The following AUTS2 variants were observed in gnomAD, a reference collection of about 807,000 sequenced individuals.
AUTS2 encodes autism susceptibility gene 2 protein.
A neutral mutation model predicts 112.4 loss-of-function variants in AUTS2; 17 were observed. The observed-to-expected ratio is 0.15, with a 90% CI of 0.10 to 0.23. The LOEUF (loss-of-function observed/expected upper bound fraction) is 0.23. Ranked by LOEUF, AUTS2 falls within the 10% of genes least tolerant of loss-of-function variation. The pLI, the probability that AUTS2 is intolerant of heterozygous loss-of-function variation, is 1.00. For missense variants in AUTS2, 1,510 were observed against 1,701.6 expected, an observed-to-expected ratio of 0.89 and a Z score of 1.98; for synonymous variants, 751 against 702.7, an observed-to-expected ratio of 1.07 and a Z score of -1.09.
At chr7:69,608,037 G>T (rs1329711738) in intron 1 of AUTS2, among the ~76,000 whole-genome samples, 1 of 152,098 alleles carries the variant, frequency 6.6e-6, no homozygotes, top group East Asian at 1.9e-4. Context: ...CTGGGCTCAG[G>T]TGATCTTCCC....
At chr7:70,486,908 C>CCA (rs1554410189) in intron 5 of AUTS2, among the ~76,000 whole-genome samples, 10,191 of 118,666 alleles carry the variant, frequency 0.086, 609 homozygotes, top group Middle Eastern at 0.12. Context: ...CCCCCCCCCC[C>CCA]AAAAAAAAAG....
intron 1 of AUTS2, among the ~76,000 whole-genome samples, chr7:69,893,557 T>A (rs1562954351): frequency 1.3e-5 from 2 of 152,188 alleles, no homozygotes; most frequent in African/African-American, 4.8e-5. Context: ...CTTTAAGGTC[T>A]CTAAGATCAG....
At chr7:70,170,854 C>T (rs1289537396) in intron 4 of AUTS2, among the ~76,000 whole-genome samples, 3 of 152,182 alleles carry the variant, frequency 2.0e-5, no homozygotes, top group Non-Finnish European at 4.4e-5. Context: ...GATCCACCTT[C>T]CTCGGCCTCC....
intron 6 of AUTS2, among the ~76,000 whole-genome samples, chr7:70,752,780 A>G (rs1881011): frequency 0.062 from 9,477 of 152,166 alleles, 347 homozygotes; most frequent in Middle Eastern, 0.15. Context: ...ATAGATCACA[A>G]CCTATTTCTC....
intron 2 of AUTS2, among the ~76,000 whole-genome samples, chr7:70,052,173 A>T (rs1365443783): frequency 6.6e-6 from 1 of 152,222 alleles, no homozygotes; most frequent in East Asian, 1.9e-4. Flanking sequence ...GAGTTCTGTT[A>T]TAAAGCTCCT....
chr7:69,659,343 C>A (rs529375742), intron 1 of AUTS2, among the ~76,000 whole-genome samples: 1 of 151,744 alleles, frequency 6.6e-6, no homozygotes, highest in African/African-American at 2.4e-5. Context: ...AAATTTTGTC[C>A]GTATATTCAT....
At chr7:69,784,946 G>C (rs1210809628) in intron 1 of AUTS2, among the ~76,000 whole-genome samples, 1 of 152,022 alleles carries the variant, frequency 6.6e-6, no homozygotes, top group Non-Finnish European at 1.5e-5. Context: ...TTGCTGTCGT[G>C]AACCTTATAC....
chr7:69,732,803 A>T (rs980972661), intron 1 of AUTS2, among the ~76,000 whole-genome samples: 11 of 152,246 alleles, frequency 7.2e-5, no homozygotes, highest in Admixed American at 6.5e-4. Context: ...ACTATCTTTG[A>T]ATAGTCAAAG....
chr7:70,726,803 G>A (rs1236229936), intron 6 of AUTS2, among the ~76,000 whole-genome samples: 2 of 152,198 alleles, frequency 1.3e-5, no homozygotes, highest in Non-Finnish European at 2.9e-5. Context: ...CCTGTATTGA[G>A]AGTGGATCTG....
chr7:69,641,675 A>G (rs1233246087), intron 1 of AUTS2, among the ~76,000 whole-genome samples: 1 of 152,252 alleles, frequency 6.6e-6, no homozygotes, highest in African/African-American at 2.4e-5. Flanking sequence ...ATGCTTAAAT[A>G]TGATTTACAT....
intron 5 of AUTS2, among the ~76,000 whole-genome samples, chr7:70,672,467 G>A (rs1158252811): frequency 6.6e-6 from 1 of 152,180 alleles, no homozygotes; most frequent in Non-Finnish European, 1.5e-5. Flanking sequence ...TTAATTAGGA[G>A]GTCCTCGGCC....
chr7:70,185,142 A>C (rs765017867), intron 4 of AUTS2, among the ~76,000 whole-genome samples: 4 of 151,916 alleles, frequency 2.6e-5, no homozygotes, highest in Non-Finnish European at 5.9e-5. Flanking sequence ...TATTCACTAG[A>C]GCACTGTGGG....
At chr7:70,442,770 G>A (rs747390132) in intron 5 of AUTS2, among the ~76,000 whole-genome samples, 1 of 152,198 alleles carries the variant, frequency 6.6e-6, no homozygotes, top group African/African-American at 2.4e-5. Context: ...TGACAGTCAT[G>A]AGCCACCGCA....
chr7:70,314,336 G>A (rs965798666), intron 4 of AUTS2, among the ~76,000 whole-genome samples: 1 of 152,216 alleles, frequency 6.6e-6, no homozygotes, highest in African/African-American at 2.4e-5. Context: ...CTGGAGAGGA[G>A]TAATATCCAC....
chr7:70,325,348 G>GA lies in AUTS2; in HGVS notation c.661-110397dup, dbSNP rs1790439136. Reference sequence around the variant, plus strand: ...CTCAAACAAATATAAAAATAAAACTGAAAAAAAGAAATTACTTAAAATATT... The same window carrying GA: ...CTCAAACAAATATAAAAATAAAACTGAAAAAAAAGAAATTACTTAAAATATT... On this transcript the variant is annotated intron_variant, in intron 4 of 18. Coordinates refer to ENST00000342771, the MANE Select transcript of AUTS2 (RefSeq NM_015570.4). Among the ~76,000 whole-genome samples, 3 of 151,892 alleles carry GA rather than the reference G, an allele frequency of 2.0e-5. No individual in the cohort carries two copies. The South Asian group carries it at 6.3e-4, about 32-fold the overall frequency.
At chr7:70,079,708 G>A (rs891164403) in intron 2 of AUTS2, among the ~76,000 whole-genome samples, 7 of 151,956 alleles carry the variant, frequency 4.6e-5, no homozygotes, top group Admixed American at 4.6e-4. Flanking sequence ...TGTATTCAAT[G>A]ACATCACTTT....
At chr7:70,104,867 T>C (rs558069419) in intron 2 of AUTS2, among the ~76,000 whole-genome samples, 1 of 152,324 alleles carries the variant, frequency 6.6e-6, no homozygotes, top group Admixed American at 6.5e-5. Context: ...TGAGTTGACT[T>C]TTTTTATTCC....
intron 4 of AUTS2, among the ~76,000 whole-genome samples, chr7:70,252,338 C>A (rs1213738981): frequency 1.3e-5 from 2 of 152,108 alleles, no homozygotes; most frequent in African/African-American, 4.8e-5. Flanking sequence ...ACTTTAATTT[C>A]CCTGTTGATC....
Position 70,766,298 on chromosome 7 carries a change from A to T in AUTS2, c.1653A>T (p.Pro551=), listed in dbSNP as rs1238282758. Residue 551 remains proline (P), a synonymous_variant, in exon 9 of 19, where the codon CCA becomes CCT. Coordinates refer to ENST00000342771, the MANE Select transcript of AUTS2 (RefSeq NM_015570.4). This position sits in a 1 kb window ranked among gnomAD's most constrained non-coding sequence, Gnocchi z 4.8. The part of the protein sequence containing the change: ...HTFTPFPHAI[P]PTAIMPTPAP... ...TCACGCCGTTCCCCCACGCCATCCC[A>T]CCCACCGCCATCATGCCGACGCCAG... 5.6e-6 allele frequency: 9 copies of T among 1,613,556 alleles called. No individual in the cohort carries two copies. In the Admixed American group the frequency reaches 8.3e-5, roughly 15 times the overall value.
Sources: gnomAD v4.1 joint callset for allele counts (sites outside exome capture counted in the v4.1 genomes callset) on GRCh38, gnomAD v4.1.1 for gene constraint, Gnocchi (gnomAD v3.1) non-coding constraint, MANE v1.5 for transcripts, NCBI Gene and HGNC (gene_info 2026-07-23, HGNC 2026-07-21) for gene names.